RMDN1: variants seen among roughly 807,000 people sequenced by gnomAD.
RMDN1 encodes the protein regulator of microtubule dynamics protein 1.
RMDN1 carries 48 observed loss-of-function variants against 48.9 expected under a neutral mutation model. The ratio of observed to expected loss-of-function variants is 0.98; its 90% CI spans 0.78 to 1.25. The LOEUF is 1.25. Ranked by LOEUF, RMDN1 falls within the 50% of genes most tolerant of loss-of-function variation. The probability of loss-of-function intolerance (pLI) is 0.00; values close to 1 mark genes in which losing one functional copy is unlikely to be tolerated. For synonymous variants in RMDN1, 148 were observed against 132.6 expected (o/e 1.12, Z -0.80); for missense variants, 418 against 373.4 (o/e 1.12, Z -0.98).
At chr8:86,506,472 G>C (rs1819383754) in intron 2 of RMDN1, among the ~76,000 whole-genome samples, 1 of 152,130 alleles carries the variant, frequency 6.6e-6, no homozygotes, top group Admixed American at 6.5e-5. Flanking sequence ...GACCATGTTC[G>C]AGATAGTATG....
At chr8:86,510,308 ATAC>A (rs1819978797), upstream of RMDN1, among the ~76,000 whole-genome samples, 1 of 152,200 alleles carries the variant, frequency 6.6e-6, no homozygotes, top group Non-Finnish European at 1.5e-5. Flanking sequence ...AATTGACAGA[ATAC>A]TATTATTTAA....
rs1354324383 is a variant in RMDN1, at chr8:86,503,366, C to CAAAAAAAA, written c.247+3628_247+3629insTTTTTTTT. On this transcript the variant is annotated intron_variant, in intron 2 of 9. Transcript: ENST00000406452. ...GACTCCGTCTCAAAACAAAACAAAA[C>CAAAAAAAA]AAAACAAAAAAAAAAAAAAAAAACA... Among the ~76,000 whole-genome samples the CAAAAAAAA allele has an allele frequency of 4.0e-4, 28 of 70,420 alleles. 1 individual carries two copies. The highest frequency in any genetic ancestry group is 8.1e-3 in the Middle Eastern group (1 of 124). The allele number at this position is 70,420 out of a possible 152,430, so 46.2% of individuals were successfully genotyped here.
chr8:86,491,747 T>A (rs546484593), intron 2 of RMDN1, among the ~76,000 whole-genome samples: 3 of 152,174 alleles, frequency 2.0e-5, no homozygotes, highest in African/African-American at 7.2e-5. Flanking sequence ...TCATAATAAT[T>A]AGAATTTTTT....
At chr8:86,510,362 T>C (rs541589747), upstream of RMDN1, among the ~76,000 whole-genome samples, 327 of 152,340 alleles carry the variant, frequency 2.1e-3, no homozygotes, top group Non-Finnish European at 3.9e-3. Context: ...TCCTTTATAC[T>C]AATGATTTTT....
At chr8:86,500,240 A>T (rs1347204055) in intron 2 of RMDN1, among the ~76,000 whole-genome samples, 3 of 152,202 alleles carry the variant, frequency 2.0e-5, no homozygotes, top group African/African-American at 7.2e-5. Flanking sequence ...TTTCTTAAAC[A>T]GACAACCTAC....
At chr8:86,472,334 A>G, downstream of RMDN1, 1 of 675,812 alleles carries the variant, frequency 1.5e-6, no homozygotes, top group Non-Finnish European at 2.7e-6. Flanking sequence ...CTCACATAAC[A>G]GGTCACAGTC....
At chr8:86,474,421 T>C (rs1813019456) in intron 9 of RMDN1, 63 bp from the exon 10 acceptor site, 5 of 1,375,636 alleles carry the variant, frequency 3.6e-6, no homozygotes, top group Non-Finnish European at 5.1e-6. Flanking sequence ...TTGTGAAATT[T>C]AAGTTTATAA....
At chr8:86,496,457 A>C (rs1817358425) in intron 2 of RMDN1, among the ~76,000 whole-genome samples, 1 of 152,206 alleles carries the variant, frequency 6.6e-6, no homozygotes, top group African/African-American at 2.4e-5. Context: ...GAGAAACATC[A>C]AGCAAATGGA....
Position 86,486,475 on chromosome 8 carries a change from G to A in RMDN1, c.495+9C>T. ...AGTACATGGTTAATAGCTTAGTTAA[G>A]CAACTCACCTTATGAGATGCAAAAC... On this transcript the variant is annotated intron_variant, in intron 4 of 9. Transcript: ENST00000406452. The A allele has an allele frequency of 6.3e-7, 1 of 1,576,168 alleles. No homozygotes were observed. Among genetic ancestry groups the A allele is most frequent in the Non-Finnish European group, 8.6e-7 (1 of 1,157,754 alleles).
At chr8:86,498,044 C>T (rs1211939833) in intron 2 of RMDN1, among the ~76,000 whole-genome samples, 7 of 152,060 alleles carry the variant, frequency 4.6e-5, no homozygotes, top group African/African-American at 9.7e-5. Flanking sequence ...TGCAGTGAGC[C>T]GAGATCGTGC....
In RMDN1 at chr8:86,504,769, G is replaced by A. The variant is rs144831717; in HGVS notation, c.247+2226C>T. 1.9e-3 allele frequency: 1,943 copies of A among 1,043,446 alleles called. 9 individuals carry two copies. The highest frequency in any genetic ancestry group is 5.2e-3 in the Middle Eastern group (26 of 4,960). 64.6% of individuals were successfully genotyped at this position (1,043,446 alleles called of 1,614,324 possible). On this transcript the variant is annotated intron_variant, in intron 2 of 9. Transcript: ENST00000406452. ...GCCGAACTCTTCAGCCAGGGCCCCCGCCCAGCTGCGACTGCAATGGCCGGC... is the reference window on the plus strand; with the variant it reads ...GCCGAACTCTTCAGCCAGGGCCCCCACCCAGCTGCGACTGCAATGGCCGGC...
chr8:86,503,671 T>C, intron 2 of RMDN1: 1 of 483,204 alleles, frequency 2.1e-6, no homozygotes, highest in South Asian at 1.6e-5. Flanking sequence ...GAGTCATCAG[T>C]GCTCCTGAGA....
chr8:86,506,949 C>T (rs995118076), intron 2 of RMDN1, 46 bp downstream of exon 2: 3 of 944,576 alleles, frequency 3.2e-6, no homozygotes, highest in African/African-American at 3.3e-5. Flanking sequence ...TGAATGTACG[C>T]ACACAAAAAA....
At chr8:86,504,763 GC>G in intron 2 of RMDN1, 1 of 1,049,434 alleles carries the variant, frequency 9.5e-7, no homozygotes, top group Non-Finnish European at 1.5e-6. Flanking sequence ...TTCAGCCAGG[GC>G]CCCCGCCCAG....
chr8:86,479,997 A>G (rs1334182264), intron 6 of RMDN1, among the ~76,000 whole-genome samples: 6 of 152,144 alleles, frequency 3.9e-5, no homozygotes, highest in Admixed American at 6.5e-5. Context: ...CTATAGTTAC[A>G]TTAATCTAAT....
chr8:86,498,972 A>G (rs1370949104), intron 2 of RMDN1, among the ~76,000 whole-genome samples: 1 of 152,158 alleles, frequency 6.6e-6, no homozygotes, highest in Non-Finnish European at 1.5e-5. Context: ...CAAAAACCAC[A>G]TGATCATCTC....
intron 5 of RMDN1, chr8:86,482,029 C>T: frequency 2.7e-6 from 2 of 743,106 alleles, no homozygotes; most frequent in Non-Finnish European, 2.3e-6. Context: ...TCTGTCTTTG[C>T]ATCGTAAATG....
At chr8:86,491,227 C>G (rs1816444499) in intron 2 of RMDN1, among the ~76,000 whole-genome samples, 1 of 152,000 alleles carries the variant, frequency 6.6e-6, no homozygotes. Flanking sequence ...CTCTGCCTCC[C>G]AAGTTCAAGC....
At chr8:86,513,023 TAAAAA>T (rs990623285), upstream of RMDN1, among the ~76,000 whole-genome samples, 1 of 150,598 alleles carries the variant, frequency 6.6e-6, no homozygotes, top group Non-Finnish European at 1.5e-5. Flanking sequence ...CTTCTGTAAT[TAAAAA>T]AAACCTTCAC....
Sources: gnomAD v4.1 joint callset for allele counts (sites outside exome capture counted in the v4.1 genomes callset) on GRCh38, gnomAD v4.1.1 for gene constraint, MANE v1.5 for transcripts, NCBI Gene and HGNC (gene_info 2026-07-23, HGNC 2026-07-21) for gene names.